GCN1: variants seen among roughly 807,000 people sequenced by gnomAD.
GCN1 encodes GCN1 activator of EIF2AK4.
GCN1 carries 90 observed loss-of-function variants against 288.4 expected under a neutral mutation model. The observed-to-expected ratio is 0.31, with a 90% CI of 0.26 to 0.37. GCN1 has a LOEUF of 0.37. Among genes scored for constraint, GCN1 ranks in the 10% least tolerant of loss-of-function variants. The pLI is 1.00. For synonymous variants in GCN1, 1,386 were observed against 1,420.2 expected (o/e 0.98, Z 0.54); for missense variants, 2,586 against 3,419.9 (o/e 0.76, Z 6.08).
intron 15 of GCN1, among the ~76,000 whole-genome samples, chr12:120,168,686 T>C (rs1375764621): frequency 6.6e-6 from 1 of 152,146 alleles, no homozygotes; most frequent in East Asian, 1.9e-4. Flanking sequence ...AGGGTACCAG[T>C]TCAAATGCTT....
chr12:120,136,079 T>C (rs1876995189), intron 51 of GCN1, among the ~76,000 whole-genome samples: 1 of 152,106 alleles, frequency 6.6e-6, no homozygotes, highest in South Asian at 2.1e-4. Context: ...CTTTAAACAA[T>C]GTTTTCCTTG....
intron 1 of GCN1, 94 bp from the exon 2 acceptor site, chr12:120,190,494 C>G (rs1878969516): frequency 9.2e-6 from 7 of 757,752 alleles, no homozygotes; most frequent in Middle Eastern, 4.6e-4. Flanking sequence ...GGGGATCTCT[C>G]TAACCTGGGG....
chr12:120,134,624 G>C lies in GCN1; in HGVS notation c.7111C>G (p.Leu2371Val). The C allele has an allele frequency of 6.2e-7, 1 of 1,614,128 alleles. No homozygotes were observed. Among genetic ancestry groups the C allele is most frequent in the African/African-American group, 1.3e-5 (1 of 75,064 alleles). ...ATGTGGATGGAAATGAGCTTCCCCA[G>C]AGCATCTGCGGCCTTCAGGCGCACC... ...RGVRLKAADALGKLISIHIKV... is the reference protein window; with the variant it reads ...RGVRLKAADAVGKLISIHIKV... Residue 2371 changes from leucine to valine, a missense_variant, in exon 52 of 58, where the codon CTG becomes GTG. Physicochemically the swap from Leu to Val is conservative, Grantham distance 32 (BLOSUM62 1). Transcript: ENST00000300648. The surrounding 1 kb of genome is among the most constrained non-coding windows in gnomAD (Gnocchi z 5.0).
In GCN1 at chr12:120,155,636, C is replaced by G; in HGVS notation, c.3396G>C (p.Val1132=). The G allele has an allele frequency of 1.9e-6, 3 of 1,614,088 alleles. No individual in the cohort carries two copies. The highest frequency in any genetic ancestry group is 2.5e-6 in the Non-Finnish European group (3 of 1,179,968). The change falls in exon 29 of 58, where the codon GTG becomes GTC. Residue 1132 remains valine (V), a synonymous_variant. Coordinates refer to ENST00000300648, the MANE Select transcript of GCN1 (RefSeq NM_006836.2). This position sits in a 1 kb window ranked among gnomAD's most constrained non-coding sequence, Gnocchi z 4.9. ...NGLNLLRRLW[V]VKFDKEEEIR... is the part of the protein sequence containing the mutation. The stretch of plus-strand genomic sequence containing the variant: ...TCTCCTCCTCCTTGTCAAACTTGAC[C>G]ACCCAGAGTCTCCGCAGAAGGTTCA...
At chr12:120,141,975 C>A (rs939453124) in intron 44 of GCN1, among the ~76,000 whole-genome samples, 1 of 152,222 alleles carries the variant, frequency 6.6e-6, no homozygotes, top group African/African-American at 2.4e-5. Flanking sequence ...AGCTGCCTTT[C>A]TTCTCCATTG....
At chr12:120,145,113 AGGT>A (rs755003341) in intron 39 of GCN1, 52 bp from the exon 40 acceptor site, 34 of 1,609,956 alleles carry the variant, frequency 2.1e-5, no homozygotes, top group Non-Finnish European at 2.7e-5. Flanking sequence ...GCTCAAAACA[AGGT>A]AGCCACATGG....
intron 34 of GCN1, among the ~76,000 whole-genome samples, chr12:120,150,523 A>T (rs1378060124): frequency 6.6e-6 from 1 of 151,780 alleles, no homozygotes; most frequent in Non-Finnish European, 1.5e-5. Flanking sequence ...TGAACCCAGG[A>T]GGTGAAGATT....
At chr12:120,176,924 G>A (rs1276662031) in intron 9 of GCN1, among the ~76,000 whole-genome samples, 8 of 152,076 alleles carry the variant, frequency 5.3e-5, no homozygotes, top group African/African-American at 1.2e-4. Context: ...GTGCCACCAC[G>A]CCTAATTTTT....
Position 120,153,779 on chromosome 12 carries a change from C to T in GCN1, c.3832G>A (p.Asp1278Asn). ...GTGTTGAGCGTTGCGAGGGCTGCAT[C>T]CAACATGCACTTCCGGACATCTGGG... Reference protein sequence around the residue: ...RHPDVRKCMLDAALATLNTHG... With the variant: ...RHPDVRKCMLNAALATLNTHG... The change falls in exon 32 of 58, where the codon GAT becomes AAT. Residue 1278 changes from aspartate to asparagine, a missense_variant. Asp to Asn is a conservative substitution (Grantham distance 23). Coordinates refer to ENST00000300648, the MANE Select transcript of GCN1 (RefSeq NM_006836.2). This position sits in a 1 kb window ranked among gnomAD's most constrained non-coding sequence, Gnocchi z 4.4. 3.1e-6 allele frequency: 5 copies of T among 1,614,162 alleles called. No individual in the cohort carries two copies. Among genetic ancestry groups the T allele is most frequent in the Non-Finnish European group, 4.2e-6 (5 of 1,180,008 alleles).
chr12:120,131,265 C>T lies in GCN1; in HGVS notation c.7483G>A (p.Val2495Met). Residue 2495 changes from valine (V) to methionine (M), a missense_variant, in exon 55 of 58, where the codon GTG becomes ATG. Val to Met is a conservative substitution (Grantham distance 21). Coordinates refer to ENST00000300648, the MANE Select transcript of GCN1 (RefSeq NM_006836.2). ...CCGGCACAAAGTCTGCCAGGAGCCA[C>T]ATTCACAGCCACGGAAAGTGCCAGG... ...RSLALSVAVN[V>M]APGRLCAGRY... 1.2e-6 allele frequency: 2 copies of T among 1,614,088 alleles called. No homozygotes were observed. The highest frequency in any genetic ancestry group is 8.5e-7 in the Non-Finnish European group (1 of 1,179,992).
intron 37 of GCN1, among the ~76,000 whole-genome samples, 173 bp from the exon 38 acceptor site, chr12:120,147,445 G>C (rs571713900): frequency 9.9e-4 from 151 of 152,256 alleles, no homozygotes; most frequent in African/African-American, 3.5e-3. Context: ...AGCAATCCTT[G>C]TTTCACTCCA....
chr12:120,137,132 T>C lies in GCN1; in HGVS notation c.6777+74A>G, dbSNP rs1594260379. 1.3e-5 allele frequency: 14 copies of C among 1,082,734 alleles called. No individual in the cohort carries two copies. The South Asian group carries it at 1.8e-4, about 14-fold the overall frequency. The allele number at this position is 1,082,734 out of a possible 1,614,324, so 67.1% of individuals were successfully genotyped here. A position where few individuals can be genotyped will look rare whatever the true frequency, so the allele number is the denominator to read the frequency against. On this transcript the variant is annotated intron_variant, in intron 50 of 57. Transcript: ENST00000300648. This position sits in a 1 kb window ranked among gnomAD's most constrained non-coding sequence, Gnocchi z 5.2. ...GCTCCAGCAGCCCCTACCGCAGACC[T>C]GGGACAGGGGTAAGGGCCAGAAGGG...
chr12:120,182,822 C>T (rs1878704693), intron 5 of GCN1, among the ~76,000 whole-genome samples: 1 of 152,028 alleles, frequency 6.6e-6, no homozygotes, highest in Non-Finnish European at 1.5e-5. Flanking sequence ...CACCTGTAAT[C>T]CCAGCCACTC....
rs963453324 is a variant in GCN1, at chr12:120,158,885, G to A, written c.2750-270C>T. On this transcript the variant is annotated intron_variant, in intron 24 of 57. Transcript: ENST00000300648. The surrounding 1 kb of genome is among the most constrained non-coding windows in gnomAD (Gnocchi z 4.3). ...AAATTAGCTGGGCGTGGTGACGGGC[G>A]CCTGTAGTCCCAGCTACTCAGGAGG... Among the ~76,000 whole-genome samples the A allele has an allele frequency of 6.6e-6, 1 of 151,788 alleles. No homozygotes were observed. Among genetic ancestry groups the A allele is most frequent in the Non-Finnish European group, 1.5e-5 (1 of 67,956 alleles).
At position 120,159,959 on chromosome 12, in the gene GCN1, C is replaced by G. The variant is rs1877873423; in HGVS notation, c.2615G>C (p.Gly872Ala). Residue 872 changes from glycine (G) to alanine (A), a missense_variant, in exon 24 of 58, where the codon GGC becomes GCC. Around this residue, in one of 8 missense-constraint regions of GCN1, gnomAD observed 913 missense variants for 1,107.0 expected, o/e 0.82. Transcript: ENST00000300648. ...LDIILAKNPS[G>A]LTQYIPVLVD... Reference sequence around the variant, plus strand: ...CAAAACAGGGATGTACTGGGTCAGGCCGGACGGGTTCTTGGCCAGGATGAT... The same window carrying G: ...CAAAACAGGGATGTACTGGGTCAGGGCGGACGGGTTCTTGGCCAGGATGAT... 1 of 1,614,172 alleles carries G rather than the reference C, an allele frequency of 6.2e-7. No individual in the cohort carries two copies. The highest frequency in any genetic ancestry group is 8.5e-7 in the Non-Finnish European group (1 of 1,180,000).
chr12:120,152,488 A>G (rs1877595823), intron 33 of GCN1, among the ~76,000 whole-genome samples: 1 of 132,346 alleles, frequency 7.6e-6, no homozygotes, highest in South Asian at 2.3e-4. Context: ...AAAGAAATTT[A>G]TTTGCACTGT....
chr12:120,158,853 A>G lies in GCN1; in HGVS notation c.2750-238T>C, dbSNP rs1259363783. On this transcript the variant is annotated intron_variant, in intron 24 of 57. Coordinates refer to ENST00000300648, the MANE Select transcript of GCN1 (RefSeq NM_006836.2). This position sits in a 1 kb window ranked among gnomAD's most constrained non-coding sequence, Gnocchi z 4.3. Reference sequence around the variant, plus strand: ...CGGTGAAACCCCATCTCTACTAAAAATACAAAAAATTAGCTGGGCGTGGTG... The same window carrying G: ...CGGTGAAACCCCATCTCTACTAAAAGTACAAAAAATTAGCTGGGCGTGGTG... Among the ~76,000 whole-genome samples, 1 of 152,030 alleles carries G rather than the reference A, an allele frequency of 6.6e-6. No homozygotes were observed. The highest frequency in any genetic ancestry group is 1.5e-5 in the Non-Finnish European group (1 of 67,994).
At position 120,134,749 on chromosome 12, in the gene GCN1, T is replaced by A. The variant is rs746259781; in HGVS notation, c.7009-23A>T. 1.2e-6 allele frequency: 2 copies of A among 1,604,366 alleles called. No homozygotes were observed. Among genetic ancestry groups the A allele is most frequent in the Non-Finnish European group, 1.7e-6 (2 of 1,173,172 alleles). Reference sequence around the variant, plus strand: ...AACCTGTGGGAGGAACCCACATCCATGAAAGACAGTTGTGGTAGACCCAAA... The same window carrying A: ...AACCTGTGGGAGGAACCCACATCCAAGAAAGACAGTTGTGGTAGACCCAAA... On this transcript the variant is annotated intron_variant, in intron 51 of 57. Coordinates refer to ENST00000300648, the MANE Select transcript of GCN1 (RefSeq NM_006836.2). The surrounding 1 kb of genome is among the most constrained non-coding windows in gnomAD (Gnocchi z 5.0).
chr12:120,152,971 A>G (rs928877017), intron 33 of GCN1, among the ~76,000 whole-genome samples: 2 of 152,046 alleles, frequency 1.3e-5, no homozygotes, highest in Admixed American at 6.6e-5. Flanking sequence ...AAACCAGGTG[A>G]GTAGAAAAAA....
Sources: allele counts gnomAD v4.1 joint callset (sites outside exome capture counted in the v4.1 genomes callset), GRCh38; gene constraint gnomAD v4.1.1; regional missense constraint gnomAD v4.1.1; non-coding constraint Gnocchi (gnomAD v3.1); transcripts MANE v1.5; gene names NCBI Gene and HGNC (gene_info 2026-07-23, HGNC 2026-07-21).